Variants in FXN observed in about 807,000 individuals in gnomAD.
FXN encodes the protein frataxin.
Under a neutral mutation model 22.4 loss-of-function variants are expected in FXN, and 14 were observed. That is an observed-to-expected ratio of 0.62 (90% confidence interval 0.41 to 0.98). The LOEUF (loss-of-function observed/expected upper bound fraction) is 0.98. Ranked by LOEUF, FXN falls within the 50% of genes least tolerant of loss-of-function variation. The probability of loss-of-function intolerance (pLI) is 0.00; values close to 1 mark genes in which losing one functional copy is unlikely to be tolerated. For synonymous variants in FXN, 120 were observed against 114.1 expected (o/e 1.05, Z -0.33); for missense variants, 267 against 268.4 (o/e 0.99, Z 0.04).
intron 4 of FXN, among the ~76,000 whole-genome samples, 187 bp downstream of exon 4, chr9:69,065,222 G>A (rs778475864): frequency 5.3e-5 from 8 of 152,092 alleles, no homozygotes; most frequent in Non-Finnish European, 1.2e-4. Flanking sequence ...GCAACATAGT[G>A]AGTCCCTGTC....
At chr9:69,072,538 C>A in intron 4 of FXN, 74 bp from the exon 5 acceptor site, 2 of 1,609,698 alleles carry the variant, frequency 1.2e-6, no homozygotes, top group East Asian at 2.2e-5. Context: ...TTCTTGGGGG[C>A]AGCATTTGTG....
Position 69,053,244 on chromosome 9 carries a change from A to G in FXN, c.368A>G (p.Tyr123Cys). 3 of 1,613,790 alleles carry G rather than the reference A, an allele frequency of 1.9e-6. No homozygotes were observed. Among genetic ancestry groups the G allele is most frequent in the Non-Finnish European group, 2.5e-6 (3 of 1,179,856 alleles). The change falls in exon 3 of 5, where the codon TAT becomes TGT. Residue 123 changes from tyrosine to cysteine, a missense_variant. Physicochemically the swap from Tyr to Cys is radical, Grantham distance 194. Coordinates refer to ENST00000484259, the MANE Select transcript of FXN (RefSeq NM_000144.5). The part of the protein sequence containing the change: ...LADKPYTFED[Y>C]DVSFGSGVLT... ...GACAAGCCATACACGTTTGAGGACT[A>G]TGATGTCTCCTTTGGGGTACCTCTT...
chr9:69,063,003 G>T (rs948491475), intron 3 of FXN, among the ~76,000 whole-genome samples: 6 of 152,004 alleles, frequency 3.9e-5, no homozygotes, highest in African/African-American at 1.5e-4. Context: ...TTTGAAACCA[G>T]CCTGGTCAAT....
Position 69,065,223 on chromosome 9 carries a change from A to G in FXN, c.482+188A>G, listed in dbSNP as rs116817572. 7.9e-3 allele frequency among the ~76,000 whole-genome samples: 1,199 copies of G among 152,268 alleles called. 13 individuals are homozygous for G. Among genetic ancestry groups the G allele is most frequent in the African/African-American group, 0.028 (1,151 of 41,538 alleles). ...CAGAACCATCCTGGGCAACATAGTG[A>G]GTCCCTGTCTCTGTAAAGAAAATAA... is the stretch of plus-strand genomic sequence containing the variant. On this transcript the variant is annotated intron_variant, in intron 4 of 4. Transcript: ENST00000484259.
rs529911504 is a variant in FXN, at chr9:69,077,074, C to T, written c.*4312C>T. On this transcript the variant is annotated 3_prime_UTR_variant, in exon 5 of 5. Coordinates refer to ENST00000484259, the MANE Select transcript of FXN (RefSeq NM_000144.5). ...GATTACAGGTGCCTGCCACCACACC[C>T]GGCTAATTTTTGTATTTTTAGTAGA... 248 of 456,180 alleles carry T rather than the reference C, an allele frequency of 5.4e-4. 1 individual carries two copies. The highest frequency in any genetic ancestry group is 6.4e-4 in the Non-Finnish European group (223 of 346,370). 28.3% of individuals were successfully genotyped at this position (456,180 alleles called of 1,614,324 possible).
intron 3 of FXN, among the ~76,000 whole-genome samples, chr9:69,064,545 G>A (rs1832135226): frequency 6.6e-6 from 1 of 152,150 alleles, no homozygotes; most frequent in Non-Finnish European, 1.5e-5. Flanking sequence ...CTCTAATAGA[G>A]TTAGAGTCTG....
chr9:69,037,886 A>T (rs998240326), intron 1 of FXN, among the ~76,000 whole-genome samples: 7 of 152,210 alleles, frequency 4.6e-5, no homozygotes, highest in African/African-American at 1.2e-4. Context: ...TCCCAACCTC[A>T]GGTGATCCGC....
chr9:69,047,786 C>T (rs560664080), intron 2 of FXN, among the ~76,000 whole-genome samples: 7 of 151,984 alleles, frequency 4.6e-5, no homozygotes, highest in Admixed American at 3.3e-4. Flanking sequence ...GGTGCGATCT[C>T]GGCTCACTGC....
chr9:69,056,907 T>TA (rs1831970489), intron 3 of FXN, among the ~76,000 whole-genome samples: 1 of 142,372 alleles, frequency 7.0e-6, no homozygotes, highest in African/African-American at 2.5e-5. Context: ...CACGCCTGGC[T>TA]AATTTTTTTA....
At position 69,078,121 on chromosome 9, in the gene FXN, T is replaced by G. The variant is rs934660337; in HGVS notation, c.*5359T>G. 4.1e-6 allele frequency: 4 copies of G among 985,210 alleles called. No individual in the cohort carries two copies. In the African/African-American group the frequency reaches 5.2e-5, roughly 13 times the overall value. 61.0% of individuals were successfully genotyped at this position (985,210 alleles called of 1,614,324 possible). On this transcript the variant is annotated 3_prime_UTR_variant, in exon 5 of 5. Transcript: ENST00000484259. The stretch of plus-strand genomic sequence containing the variant: ...GAAAAACTTTAAATCCCTCCAAAGC[T>G]CAAAAGTAATAGAAACAGATGAGTT...
intron 4 of FXN, among the ~76,000 whole-genome samples, chr9:69,067,203 C>A (rs1159926903): frequency 6.6e-6 from 1 of 152,254 alleles, no homozygotes; most frequent in Non-Finnish European, 1.5e-5. Flanking sequence ...CCGCTCCGGG[C>A]CTCACCACCA....
At chr9:69,058,600 T>TAA (rs11394940) in intron 3 of FXN, among the ~76,000 whole-genome samples, 71 of 143,154 alleles carry the variant, frequency 5.0e-4, no homozygotes, top group South Asian at 1.8e-3. Flanking sequence ...ACTCACCTGT[T>TAA]AAAAAAAAAA....
intron 1 of FXN, among the ~76,000 whole-genome samples, chr9:69,042,839 C>T (rs1378717021): frequency 6.6e-6 from 1 of 152,200 alleles, no homozygotes; most frequent in Non-Finnish European, 1.5e-5. Flanking sequence ...ATGTTTTGAG[C>T]ACTGCTTTAA....
At chr9:69,051,968 C>T (rs1831857743) in intron 2 of FXN, among the ~76,000 whole-genome samples, 1 of 152,106 alleles carries the variant, frequency 6.6e-6, no homozygotes, top group Admixed American at 6.5e-5. Context: ...CTGCCTCAGC[C>T]TCCCGAGTAG....
intron 3 of FXN, among the ~76,000 whole-genome samples, chr9:69,054,462 G>A (rs1220414607): frequency 6.6e-6 from 1 of 151,936 alleles, no homozygotes; most frequent in Admixed American, 6.6e-5. Context: ...TTTTTTGCCA[G>A]TGGGAGAAAA....
chr9:69,068,506 G>A (rs1030962519), intron 4 of FXN, among the ~76,000 whole-genome samples: 7 of 152,240 alleles, frequency 4.6e-5, no homozygotes, highest in African/African-American at 9.6e-5. Context: ...CAGAGCCCTC[G>A]GGAGCCACAG....
intron 1 of FXN, among the ~76,000 whole-genome samples, chr9:69,044,881 A>T (rs1252105770): frequency 6.6e-6 from 1 of 152,262 alleles, no homozygotes; most frequent in Non-Finnish European, 1.5e-5. Context: ...TCATGATAAT[A>T]AGATCTGTCA....
At position 69,078,030 on chromosome 9, in the gene FXN, C is replaced by T. The variant is rs552167626; in HGVS notation, c.*5268C>T. On this transcript the variant is annotated 3_prime_UTR_variant, in exon 5 of 5. Transcript: ENST00000484259. ...TTTCCCAATTACATTCCTTTCCTAC[C>T]GCACTCTATGATGCTAGCTGAGATT... The T allele has an allele frequency of 1.4e-3, 1,391 of 985,264 alleles. No homozygotes were observed. The highest frequency in any genetic ancestry group is 1.6e-3 in the Non-Finnish European group (1,303 of 829,828). The allele number at this position is 985,264 out of a possible 1,614,324, so 61.0% of individuals were successfully genotyped here. A position where few individuals can be genotyped will look rare whatever the true frequency, so the allele number is the denominator to read the frequency against.
chr9:69,075,380 A>G lies in FXN; in HGVS notation c.*2618A>G, dbSNP rs1457890283. 6 of 706,776 alleles carry G rather than the reference A, an allele frequency of 8.5e-6. No individual in the cohort carries two copies. Among genetic ancestry groups the G allele is most frequent in the South Asian group, 6.4e-5 (1 of 15,652 alleles). The allele number at this position is 706,776 out of a possible 1,614,324, so 43.8% of individuals were successfully genotyped here. A position where few individuals can be genotyped will look rare whatever the true frequency, so the allele number is the denominator to read the frequency against. On this transcript the variant is annotated 3_prime_UTR_variant, in exon 5 of 5. Coordinates refer to ENST00000484259, the MANE Select transcript of FXN (RefSeq NM_000144.5). ...GAGGCTGAGGCAGGAGAATCGCTGTAACCTGGGGGGTGGAGGTTGCAGTGA... is the reference window on the plus strand; with the variant it reads ...GAGGCTGAGGCAGGAGAATCGCTGTGACCTGGGGGGTGGAGGTTGCAGTGA...
Sources: allele counts gnomAD v4.1 joint callset (sites outside exome capture counted in the v4.1 genomes callset), GRCh38; gene constraint gnomAD v4.1.1; transcripts MANE v1.5; gene names NCBI Gene and HGNC (gene_info 2026-07-23, HGNC 2026-07-21).